SNIP1: variants seen among roughly 807,000 people sequenced by gnomAD.
SNIP1 encodes Smad nuclear interacting protein 1, also known as smad nuclear-interacting protein 1.
A neutral mutation model predicts 37.4 loss-of-function variants in SNIP1; 23 were observed. That is an observed-to-expected ratio of 0.61 (90% confidence interval 0.44 to 0.87). SNIP1 has a LOEUF of 0.87. Among genes scored for constraint, SNIP1 ranks in the 40% least tolerant of loss-of-function variants. The pLI is 0.00. For missense variants in SNIP1, 459 were observed against 540.4 expected (o/e 0.85, Z 1.49); for synonymous variants, 174 against 200.0 (o/e 0.87, Z 1.10).
At chr1:37,548,379 G>A (rs902794057) in intron 2 of SNIP1, among the ~76,000 whole-genome samples, 8 of 151,042 alleles carry the variant, frequency 5.3e-5, no homozygotes, top group African/African-American at 9.7e-5. Flanking sequence ...GCAGTGGTGC[G>A]ATCTTGGCTC....
rs1233463624 is a variant in SNIP1, at chr1:37,540,754, T to C, written c.329A>G (p.Glu110Gly). The C allele has an allele frequency of 6.3e-7, 1 of 1,588,112 alleles. No homozygotes were observed. Among genetic ancestry groups the C allele is most frequent in the Admixed American group, 1.7e-5 (1 of 57,678 alleles). Reference sequence around the variant, plus strand: ...TCCTCTCCGGGGATGATCCTCACGCTCCTAAAATTCAAACAGATTCTGTAA... The same window carrying C: ...TCCTCTCCGGGGATGATCCTCACGCCCCTAAAATTCAAACAGATTCTGTAA... ...PHHSTVKVKQ[E>G]REDHPRRGRE... The change falls in exon 3 of 4, where the codon GAG (glutamate) becomes GGG (glycine). Residue 110 changes from glutamate (E) to glycine (G), a missense_variant and splice_region_variant. Physicochemically the swap from Glu to Gly is moderately conservative, Grantham distance 98 (BLOSUM62 -2). Transcript: ENST00000296215. The surrounding 1 kb of genome is among the most constrained non-coding windows in gnomAD (Gnocchi z 5.6).
At chr1:37,539,104 T>G (rs1643135855) in intron 3 of SNIP1, among the ~76,000 whole-genome samples, 1 of 152,158 alleles carries the variant, frequency 6.6e-6, no homozygotes, top group Non-Finnish European at 1.5e-5. Flanking sequence ...GAAAACAAGC[T>G]CAGGGCTTCC....
At chr1:37,538,508 CAAA>C (rs35905865) in intron 3 of SNIP1, among the ~76,000 whole-genome samples, 3 of 57,950 alleles carry the variant, frequency 5.2e-5, no homozygotes, top group Non-Finnish European at 9.4e-5. Context: ...GACTCTGTCT[CAAA>C]AAAAAAAAAA....
chr1:37,552,786 C>T, intron 1 of SNIP1, 39 bp from the exon 2 acceptor site: 1 of 1,542,880 alleles, frequency 6.5e-7, no homozygotes, highest in Non-Finnish European at 9.0e-7. Flanking sequence ...ATCGCAATTT[C>T]CCTTCCCCCA....
chr1:37,547,757 A>C (rs978496442), intron 2 of SNIP1, among the ~76,000 whole-genome samples: 1 of 151,772 alleles, frequency 6.6e-6, no homozygotes, highest in African/African-American at 2.4e-5. Context: ...ACAACCAAAA[A>C]AAAACACAAA....
intron 2 of SNIP1, among the ~76,000 whole-genome samples, chr1:37,549,159 C>CA (rs1643274436): frequency 6.7e-6 from 1 of 149,078 alleles, no homozygotes; most frequent in African/African-American, 2.5e-5. Flanking sequence ...GATAAACACA[C>CA]AAAAATGAAT....
chr1:37,539,672 T>C (rs1456782402), intron 3 of SNIP1, among the ~76,000 whole-genome samples: 1 of 152,218 alleles, frequency 6.6e-6, no homozygotes, highest in Non-Finnish European at 1.5e-5. Context: ...ATCGCGCCAC[T>C]GCACTCCAGC....
chr1:37,537,793 T>G lies in SNIP1; in HGVS notation c.1146A>C (p.Lys382Asn). ...ESSDTSEIDRKDDEDEEEEEE... is the reference protein window; with the variant it reads ...ESSDTSEIDRNDDEDEEEEEE... ...CCTCCTCCTCCTCATCCTCGTCATC[T>G]TTCCTGTCTATTTCAGAAGTGTCCG... The change falls in exon 4 of 4, where the codon AAA becomes AAC. Residue 382 changes from lysine (K) to asparagine (N), a missense_variant. Coordinates refer to ENST00000296215, the MANE Select transcript of SNIP1 (RefSeq NM_024700.4). 6.2e-7 allele frequency: 1 copy of G among 1,614,222 alleles called. No individual in the cohort carries two copies.
intron 2 of SNIP1, among the ~76,000 whole-genome samples, chr1:37,550,877 C>T (rs1022111064): frequency 3.9e-5 from 6 of 151,948 alleles, no homozygotes; most frequent in African/African-American, 4.8e-5. Context: ...AGGCAGATCA[C>T]GAGGTCAGAA....
At chr1:37,539,899 G>C (rs1427224220) in intron 3 of SNIP1, among the ~76,000 whole-genome samples, 1 of 152,202 alleles carries the variant, frequency 6.6e-6, no homozygotes, top group East Asian at 1.9e-4. Context: ...GCTGGAGTGA[G>C]CTGTGTTTGC....
rs538632650 is a variant in SNIP1 at position 37,540,847 on chromosome 1, A to T, written c.328-92T>A. The T allele has an allele frequency of 7.8e-6, 10 of 1,285,428 alleles. No individual in the cohort carries two copies. The South Asian group carries it at 1.3e-4, about 17-fold the overall frequency. The allele number at this position is 1,285,428 out of a possible 1,614,324, so 79.6% of individuals were successfully genotyped here. ...CTTTTTGAACGAAGTGCATGCAAAA[A>T]GTCTTGTAATTTGGACTTTGGCATT... On this transcript the variant is annotated intron_variant, in intron 2 of 3. Transcript: ENST00000296215. This position sits in a 1 kb window ranked among gnomAD's most constrained non-coding sequence, Gnocchi z 5.6.
At chr1:37,545,001 G>A (rs915103385) in intron 2 of SNIP1, 12 of 764,680 alleles carry the variant, frequency 1.6e-5, no homozygotes, top group East Asian at 4.9e-5. Flanking sequence ...TTCTTCCTTC[G>A]GGACTTCAAG....
rs185880879 is a variant in SNIP1, at chr1:37,549,264, T to C, written c.327+3381A>G. On this transcript the variant is annotated intron_variant, in intron 2 of 3. Coordinates refer to ENST00000296215, the MANE Select transcript of SNIP1 (RefSeq NM_024700.4). ...AGAAATATGTATAGGATTTATAAGC[T>C]GAAAACTACAACCACTGATAAAAGA... Among the ~76,000 whole-genome samples the C allele has an allele frequency of 2.3e-3, 356 of 152,250 alleles. 2 individuals are homozygous for C. The highest frequency in any genetic ancestry group is 3.5e-3 in the Non-Finnish European group (237 of 68,012).
intron 2 of SNIP1, 81 bp downstream of exon 2, chr1:37,552,564 A>AAC (rs143375607): frequency 2.3e-5 from 27 of 1,179,194 alleles, no homozygotes; most frequent in African/African-American, 6.0e-5. Context: ...GCACACACAC[A>AAC]ACACACACAC....
chr1:37,550,663 C>T (rs1010799812), intron 2 of SNIP1, among the ~76,000 whole-genome samples: 4 of 151,692 alleles, frequency 2.6e-5, no homozygotes, highest in Admixed American at 6.6e-5. Flanking sequence ...GCTGAGATCG[C>T]GCCATTACAC....
At chr1:37,547,247 A>G (rs534121628) in intron 2 of SNIP1, among the ~76,000 whole-genome samples, 95 of 152,332 alleles carry the variant, frequency 6.2e-4, no homozygotes, top group African/African-American at 2.0e-3. Context: ...AGAGAGATTC[A>G]TGGGAGAAGG....
intron 2 of SNIP1, among the ~76,000 whole-genome samples, chr1:37,550,998 G>A (rs1257453248): frequency 5.3e-5 from 8 of 150,900 alleles, no homozygotes; most frequent in Non-Finnish European, 2.9e-5. Context: ...AGGAGGCTGA[G>A]GCAGGAGAAT....
intron 2 of SNIP1, among the ~76,000 whole-genome samples, chr1:37,541,749 A>T (rs567897591): frequency 1.2e-4 from 19 of 152,116 alleles, no homozygotes; most frequent in Non-Finnish European, 2.5e-4. Flanking sequence ...CATTTTAAGT[A>T]TGGTGGATGG....
intron 2 of SNIP1, chr1:37,541,725 G>A (rs1179965413): frequency 6.6e-6 from 1 of 151,160 alleles, no homozygotes; most frequent in African/African-American, 2.4e-5. Flanking sequence ...CCATACAGTA[G>A]TCCCAGGGGG....
Sources: gnomAD v4.1 joint callset for allele counts (sites outside exome capture counted in the v4.1 genomes callset) on GRCh38, gnomAD v4.1.1 for gene constraint, Gnocchi (gnomAD v3.1) non-coding constraint, MANE v1.5 for transcripts, NCBI Gene and HGNC (gene_info 2026-07-23, HGNC 2026-07-21) for gene names.